MYO5B: variants seen among roughly 807,000 people sequenced by gnomAD.
MYO5B encodes the protein unconventional myosin-Vb.
Under a neutral mutation model 229.3 loss-of-function variants are expected in MYO5B, and 143 were observed. That is an observed-to-expected ratio of 0.62 (90% CI 0.54 to 0.72). The LOEUF (loss-of-function observed/expected upper bound fraction) is 0.72, where lower values mean the gene tolerates loss of function less well. Ranked by LOEUF, MYO5B falls within the 30% of genes least tolerant of loss-of-function variation. The pLI, the probability that MYO5B is intolerant of heterozygous loss-of-function variation, is 0.00. For synonymous variants in MYO5B, 918 were observed against 885.2 expected, an observed-to-expected ratio of 1.04 and a Z score of -0.66; for missense variants, 2,321 against 2,331.0, an observed-to-expected ratio of 1.00 and a Z score of 0.09.
intron 24 of MYO5B, 143 bp downstream of exon 24, chr18:49,878,802 T>G (rs1186853205): frequency 2.0e-6 from 2 of 1,021,468 alleles, no homozygotes; most frequent in Non-Finnish European, 3.0e-6. Flanking sequence ...TACCTTTGCC[T>G]CTCTGCAGTA....
chr18:49,973,128 T>C (rs1160182026), intron 10 of MYO5B, among the ~76,000 whole-genome samples: 1 of 152,058 alleles, frequency 6.6e-6, no homozygotes, highest in South Asian at 2.1e-4. Flanking sequence ...AATAGACCCT[T>C]CCACAATTTC....
At chr18:49,938,346 G>C (rs774497695) in intron 14 of MYO5B, among the ~76,000 whole-genome samples, 1 of 152,108 alleles carries the variant, frequency 6.6e-6, no homozygotes, top group African/African-American at 2.4e-5. Context: ...AAGAAGTTCA[G>C]TCTGACAGGA....
intron 1 of MYO5B, among the ~76,000 whole-genome samples, chr18:50,089,700 T>C (rs2031405622): frequency 6.6e-6 from 1 of 152,174 alleles, no homozygotes; most frequent in African/African-American, 2.4e-5. Flanking sequence ...TTGGGAAGTT[T>C]CTGTTTTTAA....
chr18:49,947,297 G>T (rs1322157838), intron 14 of MYO5B, among the ~76,000 whole-genome samples: 1 of 151,812 alleles, frequency 6.6e-6, no homozygotes, highest in Non-Finnish European at 1.5e-5. Flanking sequence ...AGTAGAGATG[G>T]GGTTTCGCCA....
At chr18:49,920,876 T>C (rs1249166932) in intron 17 of MYO5B, among the ~76,000 whole-genome samples, 1 of 152,116 alleles carries the variant, frequency 6.6e-6, no homozygotes, top group Non-Finnish European at 1.5e-5. Flanking sequence ...CGTGCAGCCA[T>C]GCGTGAAAAC....
intron 12 of MYO5B, among the ~76,000 whole-genome samples, chr18:49,957,251 C>T (rs1598911106): frequency 1.3e-4 from 2 of 15,710 alleles, no homozygotes; most frequent in South Asian, 3.6e-3. Context: ...AGAAACTGTA[C>T]ACTCTCTATC....
Position 50,170,455 on chromosome 18 carries a change from A to G in MYO5B, c.27+24312T>C, listed in dbSNP as rs1330581909. Among the ~76,000 whole-genome samples, 7 of 128,008 alleles carry G rather than the reference A, an allele frequency of 5.5e-5. 2 individuals are homozygous for G. Among genetic ancestry groups the G allele is most frequent in the African/African-American group, 8.8e-5 (3 of 33,944 alleles). The allele number at this position is 128,008 out of a possible 152,430, so 84.0% of individuals were successfully genotyped here. On this transcript the variant is annotated intron_variant, in intron 1 of 39. Coordinates refer to ENST00000285039, the MANE Select transcript of MYO5B (RefSeq NM_001080467.3). ...CGGGGACTTTGATAAATAACTATTC[A>G]TGTATAATTTGACTTTAGAAATCAT...
intron 39 of MYO5B, among the ~76,000 whole-genome samples, chr18:49,829,282 G>A (rs1417121138): frequency 6.6e-6 from 1 of 151,800 alleles, no homozygotes; most frequent in Non-Finnish European, 1.5e-5. Context: ...GGACATTACT[G>A]CCAATTTTAC....
intron 1 of MYO5B, among the ~76,000 whole-genome samples, chr18:50,147,910 G>C (rs1031982257): frequency 3.3e-5 from 5 of 152,050 alleles, no homozygotes; most frequent in African/African-American, 1.2e-4. Flanking sequence ...GTGAAAAATG[G>C]GGCAGTGGAA....
At chr18:49,984,132 A>C (rs1208696193) in intron 8 of MYO5B, among the ~76,000 whole-genome samples, 1 of 152,176 alleles carries the variant, frequency 6.6e-6, no homozygotes, top group Non-Finnish European at 1.5e-5. Flanking sequence ...TCTCCCCCAA[A>C]AGTGGCAGGG....
chr18:50,104,787 A>C (rs2031724908), intron 1 of MYO5B, among the ~76,000 whole-genome samples: 2 of 152,322 alleles, frequency 1.3e-5, no homozygotes, highest in African/African-American at 4.8e-5. Context: ...GAATGAACAG[A>C]CATGGACCGC....
intron 10 of MYO5B, among the ~76,000 whole-genome samples, chr18:49,964,116 A>T (rs1004339224): frequency 6.6e-6 from 1 of 152,200 alleles, no homozygotes; most frequent in Non-Finnish European, 1.5e-5. Context: ...TTTCCTTAGG[A>T]TGCTAACCTA....
chr18:49,840,539 G>T (rs1421321250), intron 35 of MYO5B: 1 of 152,234 alleles, frequency 6.6e-6, no homozygotes, highest in Admixed American at 6.5e-5. Context: ...CACTATTTTG[G>T]TTTACACTAT....
intron 30 of MYO5B, 44 bp from the exon 31 acceptor site, chr18:49,853,691 G>T: frequency 6.3e-7 from 1 of 1,581,968 alleles, no homozygotes; most frequent in Non-Finnish European, 8.6e-7. Flanking sequence ...CCAGGCCAGG[G>T]CCCCCATCTG....
intron 7 of MYO5B, among the ~76,000 whole-genome samples, chr18:49,985,629 A>G (rs1278205765): frequency 6.6e-6 from 1 of 152,184 alleles, no homozygotes; most frequent in African/African-American, 2.4e-5. Context: ...CACAAAATAT[A>G]GTATCTTGTA....
chr18:50,186,612 G>GA (rs1244318023), intron 1 of MYO5B, among the ~76,000 whole-genome samples: 1 of 152,078 alleles, frequency 6.6e-6, no homozygotes, highest in Non-Finnish European at 1.5e-5. Context: ...AGGGTTAGGG[G>GA]AAAAAACATG....
At chr18:50,131,114 C>T (rs2032247741) in intron 1 of MYO5B, among the ~76,000 whole-genome samples, 1 of 152,230 alleles carries the variant, frequency 6.6e-6, no homozygotes, top group African/African-American at 2.4e-5. Flanking sequence ...AATGAGATGA[C>T]ATCTAGCACG....
At chr18:50,002,509 G>C (rs937311334) in intron 4 of MYO5B, among the ~76,000 whole-genome samples, 2 of 152,182 alleles carry the variant, frequency 1.3e-5, no homozygotes, top group African/African-American at 4.8e-5. Context: ...CCACGCTGGT[G>C]CCAAGAGACT....
intron 22 of MYO5B, among the ~76,000 whole-genome samples, chr18:49,884,070 CCAAAAGCACAAGCCACCAAATACAAT>C: frequency 3.9e-5 from 1 of 25,568 alleles, no homozygotes; most frequent in Non-Finnish European, 9.7e-5. Flanking sequence ...AAATACAATG[CCAAAAGCACAAGCCACCAAATACAAT>C]GCCAAAAGCA....
Sources: gnomAD v4.1 joint callset for allele counts (sites outside exome capture counted in the v4.1 genomes callset) on GRCh38, gnomAD v4.1.1 for gene constraint, MANE v1.5 for transcripts, NCBI Gene and HGNC (gene_info 2026-07-23, HGNC 2026-07-21) for gene names.